SYNGR1: variants seen among roughly 807,000 people sequenced by gnomAD.
SYNGR1 encodes the protein synaptogyrin-1.
Under a neutral mutation model 26.1 loss-of-function variants are expected in SYNGR1, and 14 were observed. That is an observed-to-expected ratio of 0.54 (90% CI 0.35 to 0.84). The LOEUF is 0.84. Ranked by LOEUF, SYNGR1 falls within the 40% of genes least tolerant of loss-of-function variation. SYNGR1 has a pLI of 0.01. For missense variants in SYNGR1, 319 were observed against 332.9 expected (o/e 0.96, Z 0.33); for synonymous variants, 141 against 150.1 (o/e 0.94, Z 0.44).
intron 3 of SYNGR1, chr22:39,376,927 C>G (rs907150756): frequency 6.5e-6 from 10 of 1,541,570 alleles, no homozygotes; most frequent in Non-Finnish European, 8.7e-6. Context: ...CTGGGCCCAG[C>G]AGGCCCTGGG....
rs1601670069 is a variant in SYNGR1, at chr22:39,382,385, A to C, written c.*471A>C. 2 of 213,464 alleles carry C rather than the reference A, an allele frequency of 9.4e-6. No individual in the cohort carries two copies. The highest frequency in any genetic ancestry group is 2.2e-4 in the East Asian group (2 of 9,078). The allele number at this position is 213,464 out of a possible 1,614,324, so 13.2% of individuals were successfully genotyped here. ...GGTCATAGGGTGAGTGTAAACACCC[A>C]CAGGACACTGGGGGCTGTCACCCTG... On this transcript the variant is annotated 3_prime_UTR_variant, in exon 4 of 4. Transcript: ENST00000328933.
chr22:39,373,450 G>A (rs1402187506), intron 1 of SYNGR1, among the ~76,000 whole-genome samples: 1 of 151,926 alleles, frequency 6.6e-6, no homozygotes, highest in Non-Finnish European at 1.5e-5. Flanking sequence ...ACAGGCGTGA[G>A]CGACCACGCC....
At chr22:39,380,321 T>A (rs377319726) in intron 3 of SYNGR1, among the ~76,000 whole-genome samples, 1 of 152,118 alleles carries the variant, frequency 6.6e-6, no homozygotes, top group African/African-American at 2.4e-5. Context: ...AAATCCCAGA[T>A]AACAGTGATT....
chr22:39,364,121 C>A, intron 1 of SYNGR1: 10 of 1,608,578 alleles, frequency 6.2e-6, no homozygotes, highest in Non-Finnish European at 7.6e-6. Context: ...CATCTCCCCT[C>A]AAGTAAAGTG....
intron 3 of SYNGR1, chr22:39,378,416 C>T: frequency 1.0e-6 from 1 of 983,706 alleles, no homozygotes; most frequent in Non-Finnish European, 1.2e-6. Context: ...TCCAGAGAGT[C>T]AGGGGCACCT....
At chr22:39,372,047 C>T (rs549192624) in intron 1 of SYNGR1, among the ~76,000 whole-genome samples, 1 of 151,598 alleles carries the variant, frequency 6.6e-6, no homozygotes, top group East Asian at 1.9e-4. Flanking sequence ...GCCTCAGGGT[C>T]TCTCACAAGG....
intron 3 of SYNGR1, among the ~76,000 whole-genome samples, chr22:39,378,802 C>T (rs953128257): frequency 6.6e-6 from 1 of 152,248 alleles, no homozygotes; most frequent in Non-Finnish European, 1.5e-5. Flanking sequence ...CCTCCCTCTG[C>T]AGCCCAGGCC....
intron 1 of SYNGR1, among the ~76,000 whole-genome samples, chr22:39,357,963 A>G (rs954710312): frequency 1.3e-5 from 2 of 152,212 alleles, no homozygotes; most frequent in Admixed American, 6.5e-5. Context: ...CCCATCGACC[A>G]CCCAAGGGCT....
intron 1 of SYNGR1, among the ~76,000 whole-genome samples, chr22:39,355,343 C>G (rs1056876212): frequency 6.6e-6 from 1 of 152,238 alleles, no homozygotes; most frequent in Non-Finnish European, 1.5e-5. Context: ...CTCCCAGTAC[C>G]GGGCACAGCC....
intron 3 of SYNGR1, among the ~76,000 whole-genome samples, chr22:39,378,916 C>T (rs1414210941): frequency 6.6e-6 from 1 of 152,234 alleles, no homozygotes; most frequent in Non-Finnish European, 1.5e-5. Flanking sequence ...AACACAGAGA[C>T]AGTATGAGTG....
In SYNGR1 at chr22:39,383,661, C is replaced by T. The variant is rs1220918416; in HGVS notation, c.*1747C>T. The T allele has an allele frequency of 6.6e-6, 1 of 152,476 alleles. No individual in the cohort carries two copies. Among genetic ancestry groups the T allele is most frequent in the African/African-American group, 2.4e-5 (1 of 41,416 alleles). 9.4% of individuals were successfully genotyped at this position (152,476 alleles called of 1,614,324 possible). ...TAAGAATCCTAAGAGGCAGGCGATCCCTCACCTGCTTACTCACTCAGCAGT... is the reference window on the plus strand; with the variant it reads ...TAAGAATCCTAAGAGGCAGGCGATCTCTCACCTGCTTACTCACTCAGCAGT... On this transcript the variant is annotated 3_prime_UTR_variant, in exon 4 of 4. Transcript: ENST00000328933.
chr22:39,355,570 G>A (rs1320443207), intron 1 of SYNGR1, among the ~76,000 whole-genome samples: 2 of 152,232 alleles, frequency 1.3e-5, no homozygotes, highest in Non-Finnish European at 2.9e-5. Context: ...ACAGCCCAGG[G>A]GCGGCCTCAA....
chr22:39,367,512 T>G (rs1283122807), intron 1 of SYNGR1, among the ~76,000 whole-genome samples: 1 of 152,148 alleles, frequency 6.6e-6, no homozygotes, highest in Non-Finnish European at 1.5e-5. Flanking sequence ...TGAAGGGCCT[T>G]GACCCCAGCC....
At chr22:39,359,170 A>G (rs2413588) in intron 1 of SYNGR1, among the ~76,000 whole-genome samples, 90,329 of 151,438 alleles carry the variant, frequency 0.6, 29,459 homozygotes, top group East Asian at 0.99. Context: ...TATCCCTCAG[A>G]CCCTCCCTCT....
At chr22:39,351,238 G>T (rs1255492829) in intron 1 of SYNGR1, among the ~76,000 whole-genome samples, 1 of 152,178 alleles carries the variant, frequency 6.6e-6, no homozygotes, top group East Asian at 1.9e-4. Context: ...GACCCCAGGG[G>T]CTACCCCAAG....
chr22:39,365,988 CTTTTTTTTT>C (rs777416803), intron 1 of SYNGR1, among the ~76,000 whole-genome samples: 89 of 68,380 alleles, frequency 1.3e-3, no homozygotes, highest in East Asian at 2.0e-3. Flanking sequence ...TCAGCCCCTT[CTTTTTTTTT>C]TTTTTTTTTT....
At chr22:39,360,272 G>A (rs1248106039) in intron 1 of SYNGR1, among the ~76,000 whole-genome samples, 1 of 152,060 alleles carries the variant, frequency 6.6e-6, no homozygotes, top group Admixed American at 6.6e-5. Context: ...TCTACTCTTG[G>A]CTCTTCTGCG....
chr22:39,374,837 G>A, intron 2 of SYNGR1: 1 of 505,676 alleles, frequency 2.0e-6, no homozygotes, highest in Non-Finnish European at 3.6e-6. Flanking sequence ...GCATGTGCCA[G>A]CCCCCATGGG....
rs554809432 is a variant in SYNGR1 at position 39,380,932 on chromosome 22, CAAG to C, written c.484-756_484-754del. On this transcript the variant is annotated intron_variant, in intron 3 of 3. Coordinates refer to ENST00000328933, the MANE Select transcript of SYNGR1 (RefSeq NM_004711.5). ...TGTCGCGCCTGGCCTCTCCTGCTTTCAAGAAGAAGATCAGATTGTTATTGTGCC... is the reference window on the plus strand; with the variant it reads ...TGTCGCGCCTGGCCTCTCCTGCTTTCAAGAAGATCAGATTGTTATTGTGCC... Among the ~76,000 whole-genome samples the C allele has an allele frequency of 3.5e-4, 53 of 152,126 alleles. 1 individual carries two copies. The South Asian group carries it at 1.0e-2, about 29-fold the overall frequency.
Sources: gnomAD v4.1 joint callset for allele counts (sites outside exome capture counted in the v4.1 genomes callset) on GRCh38, gnomAD v4.1.1 for gene constraint, MANE v1.5 for transcripts, NCBI Gene and HGNC (gene_info 2026-07-23, HGNC 2026-07-21) for gene names.